KIF25: variants seen among roughly 807,000 people sequenced by gnomAD.
KIF25 encodes the protein kinesin-like protein KIF25.
A neutral mutation model predicts 32.9 loss-of-function variants in KIF25; 19 were observed. The ratio of observed to expected loss-of-function variants is 0.58; its 90% CI spans 0.40 to 0.85. The LOEUF is 0.85. Ranked by LOEUF, KIF25 falls within the 40% of genes least tolerant of loss-of-function variation. The probability of loss-of-function intolerance (pLI) is 0.00; values close to 1 mark genes in which losing one functional copy is unlikely to be tolerated. For synonymous variants in KIF25, 225 were observed against 213.7 expected, an observed-to-expected ratio of 1.05 and a Z score of -0.46; for missense variants, 485 against 507.0, an observed-to-expected ratio of 0.96 and a Z score of 0.42.
rs1011238352 is a variant in KIF25 at position 168,005,995 on chromosome 6, C to T, written c.-163+2292C>T. On this transcript the variant is annotated intron_variant, in intron 4 of 12. Coordinates refer to ENST00000643607, the MANE Select transcript of KIF25 (RefSeq NM_030615.4). The stretch of plus-strand genomic sequence containing the variant: ...TGCTTTGTTCCTGGCCCAGCAAGGG[C>T]GGCTCTCATGGGAGGGTCAGGTCCT... Among the ~76,000 whole-genome samples the T allele has an allele frequency of 7.9e-5, 12 of 152,172 alleles. 1 individual carries two copies. Among genetic ancestry groups the T allele is most frequent in the Admixed American group, 1.3e-4 (2 of 15,282 alleles).
chr6:168,012,579 G>C (rs1197861603), intron 4 of KIF25, among the ~76,000 whole-genome samples: 1 of 152,180 alleles, frequency 6.6e-6, no homozygotes, highest in Admixed American at 6.5e-5. Context: ...CATTGGAGTT[G>C]GAGCCACATG....
chr6:168,035,446 G>A, intron 8 of KIF25, among the ~76,000 whole-genome samples: 1 of 141,990 alleles, frequency 7.0e-6, no homozygotes. Flanking sequence ...GGCGGAGGAG[G>A]CGGGAACGGC....
Position 168,042,650 on chromosome 6 carries a change from T to C in KIF25, c.919T>C (p.Leu307=), listed in dbSNP as rs113290085. The change falls in exon 12 of 13, where the codon TTG becomes CTG. Residue 307 remains leucine, a synonymous_variant. Transcript: ENST00000643607. The stretch of plus-strand genomic sequence containing the variant: ...CCTGGCAGGCGTCCTGGGGGCTTTG[T>C]TGGAGCACCGTGGCCATGCCCCGTA... The part of the protein sequence containing the change: ...AALAGVLGAL[L]EHRGHAPYRN... 4,020 of 1,613,820 alleles carry C rather than the reference T, an allele frequency of 2.5e-3. 86 individuals carry two copies. In the African/African-American group the frequency reaches 0.043, roughly 17 times the overall value.
At chr6:168,042,514 C>G in intron 11 of KIF25, 47 bp from the exon 12 acceptor site, 1 of 1,580,668 alleles carries the variant, frequency 6.3e-7, no homozygotes, top group Non-Finnish European at 8.6e-7. Flanking sequence ...CTTTTCCTGC[C>G]TCCTTTCTTG....
Position 168,008,390 on chromosome 6 carries a change from T to C in KIF25, c.-163+4687T>C, listed in dbSNP as rs1798605351. 2.0e-5 allele frequency among the ~76,000 whole-genome samples: 3 copies of C among 152,326 alleles called. No individual in the cohort carries two copies. The South Asian group carries it at 6.2e-4, about 32-fold the overall frequency. Reference sequence around the variant, plus strand: ...TTAAAAAATCAGTTGACTATAGATATGTTGGTTAATTTCTGGGTTCTCTAT... The same window carrying C: ...TTAAAAAATCAGTTGACTATAGATACGTTGGTTAATTTCTGGGTTCTCTAT... On this transcript the variant is annotated intron_variant, in intron 4 of 12. Coordinates refer to ENST00000643607, the MANE Select transcript of KIF25 (RefSeq NM_030615.4).
chr6:168,007,675 G>A (rs540598900), intron 4 of KIF25, among the ~76,000 whole-genome samples: 2 of 152,308 alleles, frequency 1.3e-5, no homozygotes, highest in East Asian at 3.9e-4. Flanking sequence ...GTGCAAGGCT[G>A]ATCCTCTGCC....
At chr6:168,028,447 C>T (rs1398896275) in intron 5 of KIF25, among the ~76,000 whole-genome samples, 2 of 152,182 alleles carry the variant, frequency 1.3e-5, no homozygotes, top group African/African-American at 2.4e-5. Flanking sequence ...TGTCTTCCTT[C>T]GGCCTACTTA....
chr6:168,014,174 T>C (rs1798684754), intron 4 of KIF25, among the ~76,000 whole-genome samples: 1 of 152,174 alleles, frequency 6.6e-6, no homozygotes, highest in African/African-American at 2.4e-5. Context: ...TTGTGGTTAG[T>C]AATTGCCTTT....
chr6:168,042,051 GGCCTT>G lies in KIF25; in HGVS notation c.731_735del (p.Ala244GlyfsTer158). The G allele has an allele frequency of 6.4e-7, 1 of 1,551,342 alleles. No homozygotes were observed. Among genetic ancestry groups the G allele is most frequent in the East Asian group, 2.4e-5 (1 of 40,970 alleles). ...GAAGGAGCCGCAGAGCTTCTCAAGG[GGCCTT>G]GGCTCCACAGCTGGTTCCTGGGAAC... On this transcript the variant is annotated frameshift_variant, in exon 11 of 13. Coordinates refer to ENST00000643607, the MANE Select transcript of KIF25 (RefSeq NM_030615.4). LOFTEE classifies it high-confidence loss of function.
intron 5 of KIF25, 36 bp from the exon 6 acceptor site, chr6:168,029,456 A>G: frequency 7.1e-7 from 1 of 1,413,644 alleles, no homozygotes; most frequent in Admixed American, 2.5e-5. Context: ...TGGTCGTGGT[A>G]ATACTGTTAC....
chr6:168,030,145 G>A (rs1798920663), intron 6 of KIF25, among the ~76,000 whole-genome samples: 1 of 152,118 alleles, frequency 6.6e-6, no homozygotes, highest in African/African-American at 2.4e-5. Context: ...TTTGGACGTT[G>A]CTTCCTATTT....
intron 5 of KIF25, among the ~76,000 whole-genome samples, chr6:168,024,107 AT>A (rs1798825504): frequency 6.6e-6 from 1 of 150,862 alleles, no homozygotes; most frequent in Non-Finnish European, 1.5e-5. Context: ...GGTTCAATGG[AT>A]TTAATTTGTA....
chr6:168,025,747 A>G (rs1038999835), intron 5 of KIF25, among the ~76,000 whole-genome samples: 1 of 152,258 alleles, frequency 6.6e-6, no homozygotes, highest in Non-Finnish European at 1.5e-5. Context: ...TGCTTAGCAC[A>G]GAGCTGCTGA....
chr6:168,016,848 C>T (rs1798721458), intron 4 of KIF25, among the ~76,000 whole-genome samples: 1 of 152,222 alleles, frequency 6.6e-6, no homozygotes, highest in South Asian at 2.1e-4. Context: ...CAGGGAGCAA[C>T]CCAAGGCTGC....
chr6:168,024,350 T>C (rs1299788022), intron 5 of KIF25, among the ~76,000 whole-genome samples: 1 of 151,934 alleles, frequency 6.6e-6, no homozygotes, highest in East Asian at 1.9e-4. Context: ...GGCTGACCTT[T>C]CTTCCACTAT....
chr6:168,038,023 C>CT lies in KIF25; in HGVS notation c.318-525dup, dbSNP rs1254885091. ...GCCACCGTGCCTGGCTGTGCAGCTGCTTTTTAATGAGCCCGAGCTGGTTTT... is the reference window on the plus strand; with the variant it reads ...GCCACCGTGCCTGGCTGTGCAGCTGCTTTTTTAATGAGCCCGAGCTGGTTTT... On this transcript the variant is annotated intron_variant, in intron 8 of 12. Transcript: ENST00000643607. Among the ~76,000 whole-genome samples, 3 of 152,174 alleles carry CT rather than the reference C, an allele frequency of 2.0e-5. No individual in the cohort carries two copies. In the East Asian group the frequency reaches 5.8e-4, roughly 29 times the overall value.
intron 4 of KIF25, among the ~76,000 whole-genome samples, chr6:168,007,938 G>C (rs1798600102): frequency 6.6e-6 from 1 of 152,224 alleles, no homozygotes. Context: ...GTCAGTCATA[G>C]CTTGGATTTC....
chr6:168,043,227 T>TTAGTGCCC (rs1243214166), intron 12 of KIF25, among the ~76,000 whole-genome samples: 3 of 152,076 alleles, frequency 2.0e-5, no homozygotes, highest in African/African-American at 7.2e-5. Flanking sequence ...GGGAGCTCAG[T>TTAGTGCCC]TAGTGCCCCC....
intron 4 of KIF25, among the ~76,000 whole-genome samples, chr6:168,006,382 C>G (rs1039516004): frequency 6.6e-6 from 1 of 152,070 alleles, no homozygotes; most frequent in African/African-American, 2.4e-5. Context: ...AAAAATGCAG[C>G]CTGTAATACT....
Sources: gnomAD v4.1 joint callset for allele counts (sites outside exome capture counted in the v4.1 genomes callset) on GRCh38, gnomAD v4.1.1 for gene constraint, MANE v1.5 for transcripts, NCBI Gene and HGNC (gene_info 2026-07-23, HGNC 2026-07-21) for gene names.